The following DLST variants were observed in gnomAD, a reference collection of about 807,000 sequenced individuals.
DLST encodes the protein dihydrolipoyllysine-residue succinyltransferase component of 2-oxoglutarate dehydrogenase complex, mitochondrial.
Under a neutral mutation model 53.1 loss-of-function variants are expected in DLST, and 17 were observed. The observed-to-expected ratio is 0.32, with a 90% CI of 0.22 to 0.48. The LOEUF (loss-of-function observed/expected upper bound fraction) is 0.48, where lower values mean the gene tolerates loss of function less well. DLST is among the 20% of genes least tolerant of loss of function. The pLI is 0.99. For synonymous variants in DLST, 206 were observed against 204.8 expected, an observed-to-expected ratio of 1.01 and a Z score of -0.05; for missense variants, 512 against 583.9, an observed-to-expected ratio of 0.88 and a Z score of 1.27.
At position 74,897,255 on chromosome 14, in the gene DLST, C is replaced by T. The variant is rs768139710; in HGVS notation, c.771-1114C>T. ...TCCCCCTTGGAAAAACTTCCTTTTTCAAAAACAAAAGATCTGAAGGGGGCT... is the reference window on the plus strand; with the variant it reads ...TCCCCCTTGGAAAAACTTCCTTTTTTAAAAACAAAAGATCTGAAGGGGGCT... On this transcript the variant is annotated intron_variant, in intron 10 of 14. Coordinates refer to ENST00000334220, the MANE Select transcript of DLST (RefSeq NM_001933.5). 2.0e-5 allele frequency among the ~76,000 whole-genome samples: 3 copies of T among 152,122 alleles called. No homozygotes were observed. In the East Asian group the frequency reaches 5.8e-4, roughly 29 times the overall value.
chr14:74,882,775 C>G lies in DLST; in HGVS notation c.97+151C>G, dbSNP rs562255128. ...GCAATGCTACATAATCACGAGCTAT[C>G]GCTTATTCATTTAGCTCGTAGTTGA... is the stretch of plus-strand genomic sequence containing the variant. On this transcript the variant is annotated intron_variant, in intron 2 of 14. Coordinates refer to ENST00000334220, the MANE Select transcript of DLST (RefSeq NM_001933.5). The G allele has an allele frequency of 1.8e-5, 13 of 727,880 alleles. No homozygotes were observed. In the Middle Eastern group the frequency reaches 8.0e-4, roughly 45 times the overall value. The allele number at this position is 727,880 out of a possible 1,614,324, so 45.1% of individuals were successfully genotyped here. A position where few individuals can be genotyped will look rare whatever the true frequency, so the allele number is the denominator to read the frequency against.
chr14:74,882,786 T>C (rs1883573073), intron 2 of DLST, among the ~76,000 whole-genome samples, 162 bp downstream of exon 2: 1 of 152,224 alleles, frequency 6.6e-6, no homozygotes, highest in African/African-American at 2.4e-5. Flanking sequence ...GCTTATTCAT[T>C]TAGCTCGTAG....
intron 13 of DLST, 89 bp from the exon 14 acceptor site, chr14:74,900,977 C>A: frequency 6.9e-7 from 1 of 1,446,892 alleles, no homozygotes; most frequent in Non-Finnish European, 9.4e-7. Context: ...CCTCCTGCCT[C>A]GGCCTCCCAA....
chr14:74,886,381 C>T (rs1012185115), intron 3 of DLST, among the ~76,000 whole-genome samples: 2 of 152,198 alleles, frequency 1.3e-5, no homozygotes, highest in Non-Finnish European at 1.5e-5. Context: ...GGCTGGAGTG[C>T]GGTAGCCTGA....
rs1200706294 is a variant in DLST, at chr14:74,891,118, G to C, written c.393G>C (p.Gly131=). 2 of 1,614,100 alleles carry C rather than the reference G, an allele frequency of 1.2e-6. No homozygotes were observed. Among genetic ancestry groups the C allele is most frequent in the Admixed American group, 1.7e-5 (1 of 60,014 alleles). ...TTGAAGCTCTTTTGGTACCTGATGG[G>C]GGAAAAGTCGAAGGAGGCACTCCAC... ...GVIEALLVPD[G]GKVEGGTPLF... is the part of the protein sequence containing the mutation. Residue 131 remains glycine, a synonymous_variant, in exon 7 of 15, where the codon GGG becomes GGC. Transcript: ENST00000334220.
At chr14:74,882,335 C>T (rs1056825826) in intron 1 of DLST, among the ~76,000 whole-genome samples, 1 of 152,334 alleles carries the variant, frequency 6.6e-6, no homozygotes, top group Admixed American at 6.5e-5. Flanking sequence ...CGGAGTCCTC[C>T]GGCGGGATTC....
intron 10 of DLST, among the ~76,000 whole-genome samples, chr14:74,898,021 T>C (rs1284533259): frequency 6.6e-6 from 1 of 152,124 alleles, no homozygotes; most frequent in Non-Finnish European, 1.5e-5. Flanking sequence ...TTAAAAAATT[T>C]TTTTTCAGGA....
At chr14:74,890,458 A>G (rs980736897) in intron 6 of DLST, among the ~76,000 whole-genome samples, 2 of 152,010 alleles carry the variant, frequency 1.3e-5, no homozygotes, top group East Asian at 1.9e-4. Context: ...TGTACTATGT[A>G]CTTCATTTAG....
At chr14:74,887,098 G>A (rs1209140790) in intron 3 of DLST, among the ~76,000 whole-genome samples, 1 of 151,810 alleles carries the variant, frequency 6.6e-6, no homozygotes, top group Non-Finnish European at 1.5e-5. Context: ...AGAACTCCTG[G>A]TATATTTATC....
At chr14:74,894,954 G>T (rs895574205) in intron 10 of DLST, among the ~76,000 whole-genome samples, 5 of 151,978 alleles carry the variant, frequency 3.3e-5, no homozygotes, top group African/African-American at 1.2e-4. Context: ...TTGGCTAGGT[G>T]TAGTGGCTCA....
rs1453980018 is a variant in DLST, at chr14:74,882,641, C to A, written c.97+17C>A. 1.2e-6 allele frequency: 2 copies of A among 1,613,538 alleles called. No individual in the cohort carries two copies. The highest frequency in any genetic ancestry group is 2.2e-5 in the South Asian group (2 of 91,042). ...CCCTGCCTGGTAAGTTCTGCCCTTACCGTCACCTAAAATGCTCTCCTCCTG... is the reference window on the plus strand; with the variant it reads ...CCCTGCCTGGTAAGTTCTGCCCTTAACGTCACCTAAAATGCTCTCCTCCTG... On this transcript the variant is annotated intron_variant, in intron 2 of 14. Transcript: ENST00000334220.
At chr14:74,882,819 A>G (rs976044853) in intron 2 of DLST, among the ~76,000 whole-genome samples, 195 bp downstream of exon 2, 5 of 152,204 alleles carry the variant, frequency 3.3e-5, no homozygotes, top group African/African-American at 1.2e-4. Context: ...TGTGTTAGGC[A>G]CTGTGCTAGA....
rs1884307105 is a variant in DLST at position 74,902,807 on chromosome 14, G to A, written c.*477G>A. 1 of 152,952 alleles carries A rather than the reference G, an allele frequency of 6.5e-6. No homozygotes were observed. Among genetic ancestry groups the A allele is most frequent in the African/African-American group, 2.4e-5 (1 of 41,466 alleles). 9.5% of individuals were successfully genotyped at this position (152,952 alleles called of 1,614,324 possible). A position where few individuals can be genotyped will look rare whatever the true frequency, so the allele number is the denominator to read the frequency against. On this transcript the variant is annotated 3_prime_UTR_variant, in exon 15 of 15. Coordinates refer to ENST00000334220, the MANE Select transcript of DLST (RefSeq NM_001933.5). ...CACATTCTCCCTTGATTCCACTTGT[G>A]TGGAGGGATTGAACACAGGCAAAGA...
intron 8 of DLST, 74 bp from the exon 9 acceptor site, chr14:74,893,274 T>A: frequency 6.5e-7 from 1 of 1,527,818 alleles, no homozygotes; most frequent in Non-Finnish European, 9.1e-7. Context: ...ACAGTACATA[T>A]GAAAGCACTG....
chr14:74,887,203 C>T, intron 3 of DLST, among the ~76,000 whole-genome samples: 1 of 152,082 alleles, frequency 6.6e-6, no homozygotes, highest in East Asian at 1.9e-4. Context: ...TTCACATGTT[C>T]ACACTATGAA....
At chr14:74,883,058 G>T (rs925688020) in intron 2 of DLST, among the ~76,000 whole-genome samples, 1 of 152,240 alleles carries the variant, frequency 6.6e-6, no homozygotes, top group African/African-American at 2.4e-5. Flanking sequence ...ACTCTGGGAG[G>T]CTGAGGCGGG....
chr14:74,898,246 A>G, intron 10 of DLST, 123 bp from the exon 11 acceptor site: 1 of 1,276,844 alleles, frequency 7.8e-7, no homozygotes, highest in Non-Finnish European at 1.1e-6. Flanking sequence ...TCAAAACTTG[A>G]ACTAAGGTAA....
intron 11 of DLST, among the ~76,000 whole-genome samples, chr14:74,899,674 C>T (rs1884179475): frequency 6.6e-6 from 1 of 152,172 alleles, no homozygotes; most frequent in Non-Finnish European, 1.5e-5. Context: ...GTGTTGAGCC[C>T]TTCTTAGGGC....
In DLST at chr14:74,892,957, C is replaced by A; in HGVS notation, c.566C>A (p.Ser189Ter). Reference sequence around the variant, plus strand: ...CCCACTCAGATGCCACCGGTGCCCTCGCCCTCACAGCCTCCTTCTGGCAAA... The same window carrying A: ...CCCACTCAGATGCCACCGGTGCCCTAGCCCTCACAGCCTCCTTCTGGCAAA... ...PIPTQMPPVP[S>*]PSQPPSGKPV... is the part of the protein sequence containing the mutation. Residue 189 changes from serine (S) to a stop codon, truncating the protein, a stop_gained, in exon 8 of 15, where the codon TCG becomes TAG. Transcript: ENST00000334220. LOFTEE classifies it high-confidence loss of function. 1 of 1,613,602 alleles carries A rather than the reference C, an allele frequency of 6.2e-7. No homozygotes were observed. Among genetic ancestry groups the A allele is most frequent in the Non-Finnish European group, 8.5e-7 (1 of 1,179,852 alleles).
Sources: allele counts gnomAD v4.1 joint callset (sites outside exome capture counted in the v4.1 genomes callset), GRCh38; gene constraint gnomAD v4.1.1; transcripts MANE v1.5; gene names NCBI Gene and HGNC (gene_info 2026-07-23, HGNC 2026-07-21).